Variants in PCDHA4 observed in about 807,000 individuals in gnomAD.
PCDHA4 encodes protocadherin alpha-4.
A neutral mutation model predicts 61.4 loss-of-function variants in PCDHA4; 49 were observed. The observed-to-expected ratio is 0.80, with a 90% CI of 0.63 to 1.01. The LOEUF is 1.01. PCDHA4 is among the 50% of genes least tolerant of loss of function. The probability of loss-of-function intolerance (pLI) is 0.00; values close to 1 mark genes in which losing one functional copy is unlikely to be tolerated. For missense variants in PCDHA4, 1,254 were observed against 1,235.8 expected, an observed-to-expected ratio of 1.01 and a Z score of -0.22; for synonymous variants, 590 against 550.3, an observed-to-expected ratio of 1.07 and a Z score of -1.01.
At position 140,848,714 on chromosome 5, in the gene PCDHA4, C is replaced by A. The variant is rs2150418580; in HGVS notation, c.2385+39142C>A. On this transcript the variant is annotated intron_variant, in intron 1 of 3. Transcript: ENST00000530339. ...AGTTGGATTCCAAAGGCCGCGGGGA[C>A]CTTCTGGAGGTAAATCTGCAGAATG... 5.0e-6 allele frequency: 8 copies of A among 1,592,122 alleles called. 1 individual carries two copies. Among genetic ancestry groups the A allele is most frequent in the Non-Finnish European group, 6.0e-6 (7 of 1,163,208 alleles).
chr5:140,978,806 C>G (rs1554239758), intron 1 of PCDHA4, 143 bp from the exon 2 acceptor site: 2 of 1,492,474 alleles, frequency 1.3e-6, no homozygotes, highest in Non-Finnish European at 1.8e-6. Context: ...TAGATATCAT[C>G]ATAGAGTTAC....
chr5:141,009,449 A>T, intron 3 of PCDHA4, among the ~76,000 whole-genome samples, 178 bp from the exon 4 acceptor site: 1 of 152,184 alleles, frequency 6.6e-6, no homozygotes, highest in Non-Finnish European at 1.5e-5. Context: ...GTCTCAAAAA[A>T]ATTAAACAAA....
rs543488933 is a variant in PCDHA4, at chr5:140,915,492, A to G, written c.2386-63457A>G. The stretch of plus-strand genomic sequence containing the variant: ...TGAAGGAGCTTGGGCCTCAATCCCA[A>G]TAATACTGTGGTTTTTGCAGACTAG... On this transcript the variant is annotated intron_variant, in intron 1 of 3. Coordinates refer to ENST00000530339, the MANE Select transcript of PCDHA4 (RefSeq NM_018907.4). 2.0e-5 allele frequency among the ~76,000 whole-genome samples: 3 copies of G among 152,232 alleles called. No homozygotes were observed. The South Asian group carries it at 6.2e-4, about 32-fold the overall frequency.
Position 140,927,005 on chromosome 5 carries a change from A to G in PCDHA4, c.2386-51944A>G, listed in dbSNP as rs1554203909. On this transcript the variant is annotated intron_variant, in intron 1 of 3. Coordinates refer to ENST00000530339, the MANE Select transcript of PCDHA4 (RefSeq NM_018907.4). ...ACGGAGCGGGGCGTAGCCGTAGGCA[A>G]TCTCTCCGCGGACTTGAGGCTGCCA... 6 of 1,612,394 alleles carry G rather than the reference A, an allele frequency of 3.7e-6. No homozygotes were observed. The South Asian group carries it at 4.4e-5, about 12-fold the overall frequency.
chr5:140,813,190 T>C (rs1056157479), intron 1 of PCDHA4: 3 of 152,244 alleles, frequency 2.0e-5, no homozygotes, highest in South Asian at 4.1e-4. Flanking sequence ...CTCTGCTTCC[T>C]TGCTGATTTT....
Position 140,974,282 on chromosome 5 carries a change from T to C in PCDHA4, c.2386-4667T>C, listed in dbSNP as rs115449410. Among the ~76,000 whole-genome samples, 1,252 of 152,332 alleles carry C rather than the reference T, an allele frequency of 8.2e-3. 23 individuals carry two copies. The highest frequency in any genetic ancestry group is 0.028 in the African/African-American group (1,180 of 41,572). ...TTCTGGCCTTCCAGGGTCAGAACTC[T>C]GGGCTCCAAGGAGGTACAACTGTGA... On this transcript the variant is annotated intron_variant, in intron 1 of 3. Coordinates refer to ENST00000530339, the MANE Select transcript of PCDHA4 (RefSeq NM_018907.4).
intron 3 of PCDHA4, among the ~76,000 whole-genome samples, chr5:140,998,621 A>G (rs1167341355): frequency 5.3e-5 from 8 of 151,758 alleles, no homozygotes; most frequent in Admixed American, 3.9e-4. Context: ...CTGGAGTGCA[A>G]TGGCACAATC....
chr5:140,884,295 C>T, intron 1 of PCDHA4: 3 of 1,613,680 alleles, frequency 1.9e-6, no homozygotes, highest in South Asian at 2.2e-5. Context: ...GGCCAAGCGC[C>T]ACAGGCTTCG....
chr5:141,010,202 G>A lies in PCDHA4; in HGVS notation c.*265G>A, dbSNP rs1354578914. The A allele has an allele frequency of 2.5e-5, 39 of 1,551,826 alleles. No homozygotes were observed. The highest frequency in any genetic ancestry group is 3.1e-5 in the Non-Finnish European group (36 of 1,147,058). On this transcript the variant is annotated 3_prime_UTR_variant, in exon 4 of 4. Transcript: ENST00000530339. ...CAGACCCAAGTTTCCTTTCTCCTCCGCCGCAAAGGAGAGGCTTCCCAGCCC... is the reference window on the plus strand; with the variant it reads ...CAGACCCAAGTTTCCTTTCTCCTCCACCGCAAAGGAGAGGCTTCCCAGCCC...
At chr5:140,969,733 T>C (rs1299165103) in intron 1 of PCDHA4, among the ~76,000 whole-genome samples, 1 of 152,242 alleles carries the variant, frequency 6.6e-6, no homozygotes, top group Non-Finnish European at 1.5e-5. Context: ...TTTGAAATCC[T>C]ATATGAGTGA....
chr5:140,990,808 C>G (rs537926285), intron 3 of PCDHA4, among the ~76,000 whole-genome samples: 18 of 152,212 alleles, frequency 1.2e-4, no homozygotes, highest in Non-Finnish European at 2.4e-4. Context: ...ACAGAAGAAG[C>G]TCCCTTCTCT....
chr5:140,969,538 G>A (rs916768919), intron 1 of PCDHA4: 11 of 1,304,024 alleles, frequency 8.4e-6, no homozygotes, highest in African/African-American at 1.5e-5. Flanking sequence ...TTCATTTTCA[G>A]AGGCATGAAG....
intron 1 of PCDHA4, chr5:140,814,678 C>G (rs1765562759): frequency 6.7e-6 from 1 of 149,848 alleles, no homozygotes; most frequent in African/African-American, 2.6e-5. Context: ...GAGTAATGTG[C>G]TACAACATTA....
At chr5:140,882,404 G>A in intron 1 of PCDHA4, 1 of 1,614,152 alleles carries the variant, frequency 6.2e-7, no homozygotes. Context: ...CACCTTCGTG[G>A]GCCGCATCGC....
At chr5:140,985,532 G>T (rs1358120172) in intron 3 of PCDHA4, among the ~76,000 whole-genome samples, 1 of 152,072 alleles carries the variant, frequency 6.6e-6, no homozygotes, top group Non-Finnish European at 1.5e-5. Context: ...AAAGCTTCAC[G>T]GTGAAGATGC....
chr5:140,820,432 T>C lies in PCDHA4; in HGVS notation c.2385+10860T>C, dbSNP rs2150106881. Among the ~76,000 whole-genome samples, 49 of 152,136 alleles carry C rather than the reference T, an allele frequency of 3.2e-4. 1 individual carries two copies. The highest frequency in any genetic ancestry group is 2.6e-3 in the Admixed American group (40 of 15,288). On this transcript the variant is annotated intron_variant, in intron 1 of 3. Coordinates refer to ENST00000530339, the MANE Select transcript of PCDHA4 (RefSeq NM_018907.4). Reference sequence around the variant, plus strand: ...AATGTAAAAGTATCCAACAATAGAATTGCTAATCTCTTGGTCCCTCTTGTC... The same window carrying C: ...AATGTAAAAGTATCCAACAATAGAACTGCTAATCTCTTGGTCCCTCTTGTC...
rs369053351 is a variant in PCDHA4, at chr5:140,982,539, C to A, written c.2509C>A (p.Pro837Thr). ...AGPGGPDQQW[P>T]TVSSATPEPE... The stretch of plus-strand genomic sequence containing the variant: ...TCCAGGAGGGCCTGATCAGCAGTGG[C>A]CAACAGTATCCAGTGCAACACCAGG... Residue 837 changes from proline (P) to threonine (T), a missense_variant, in exon 3 of 4, where the codon CCA (proline) becomes ACA (threonine). By Grantham distance (38) the Pro-to-Thr change is conservative. Coordinates refer to ENST00000530339, the MANE Select transcript of PCDHA4 (RefSeq NM_018907.4). 29 of 1,614,008 alleles carry A rather than the reference C, an allele frequency of 1.8e-5. No individual in the cohort carries two copies. The highest frequency in any genetic ancestry group is 2.2e-5 in the Non-Finnish European group (26 of 1,180,032).
At chr5:140,809,794 A>G (rs1764545260) in intron 1 of PCDHA4, 3 of 458,452 alleles carry the variant, frequency 6.5e-6, no homozygotes, top group South Asian at 4.4e-5. Context: ...ACAGAACTGT[A>G]ATTTCTAGTA....
intron 1 of PCDHA4, chr5:140,810,991 A>C (rs1764773590): frequency 1.3e-5 from 2 of 152,028 alleles, no homozygotes; most frequent in African/African-American, 4.8e-5. Flanking sequence ...AGGGGTCAAG[A>C]TTTATTTTTA....
Sources: allele counts gnomAD v4.1 joint callset (sites outside exome capture counted in the v4.1 genomes callset), GRCh38; gene constraint gnomAD v4.1.1; transcripts MANE v1.5; gene names NCBI Gene and HGNC (gene_info 2026-07-23, HGNC 2026-07-21).